The following GALNTL6 variants were observed in gnomAD, a reference collection of about 807,000 sequenced individuals.
The protein encoded by GALNTL6 is polypeptide N-acetylgalactosaminyltransferase like 6.
Under a neutral mutation model 73.7 loss-of-function variants are expected in GALNTL6, and 46 were observed. That is an observed-to-expected ratio of 0.62 (90% CI 0.49 to 0.80). The LOEUF (loss-of-function observed/expected upper bound fraction) is 0.80. GALNTL6 is among the 30% of genes least tolerant of loss of function. The probability of loss-of-function intolerance (pLI) is 0.00; values close to 1 mark genes in which losing one functional copy is unlikely to be tolerated. For missense variants in GALNTL6, 604 were observed against 755.0 expected (o/e 0.80, Z 2.34); for synonymous variants, 259 against 263.7 (o/e 0.98, Z 0.17).
chr4:171,994,751 T>G (rs1163858862), intron 2 of GALNTL6, among the ~76,000 whole-genome samples: 1 of 151,858 alleles, frequency 6.6e-6, no homozygotes, highest in African/African-American at 2.4e-5. Flanking sequence ...CAGGAATATC[T>G]AAGTCAGTTA....
At chr4:172,801,196 G>A (rs922446733) in intron 5 of GALNTL6, among the ~76,000 whole-genome samples, 3 of 152,140 alleles carry the variant, frequency 2.0e-5, no homozygotes, top group African/African-American at 7.2e-5. Context: ...AATCAAATTT[G>A]TAATTAATTA....
intron 5 of GALNTL6, among the ~76,000 whole-genome samples, chr4:172,478,896 C>G (rs978622916): frequency 5.9e-5 from 9 of 151,788 alleles, no homozygotes; most frequent in African/African-American, 2.2e-4. Flanking sequence ...AAATGGCCAA[C>G]AAACATGTGA....
intron 2 of GALNTL6, among the ~76,000 whole-genome samples, chr4:172,104,097 C>T (rs1579142594): frequency 1.3e-5 from 2 of 152,164 alleles, no homozygotes; most frequent in East Asian, 3.9e-4. Context: ...GCGCCCACCA[C>T]CACGCCTGGC....
intron 5 of GALNTL6, among the ~76,000 whole-genome samples, chr4:172,597,962 A>G (rs558902089): frequency 8.3e-4 from 125 of 151,150 alleles, no homozygotes; most frequent in African/African-American, 2.8e-3. Flanking sequence ...TCAGATTTCA[A>G]TTGTGAATAT....
At chr4:172,974,446 A>C (rs1458241310) in intron 10 of GALNTL6, among the ~76,000 whole-genome samples, 2 of 152,224 alleles carry the variant, frequency 1.3e-5, no homozygotes, top group African/African-American at 2.4e-5. Flanking sequence ...AGTAAAATTT[A>C]TGGACTAATT....
intron 5 of GALNTL6, among the ~76,000 whole-genome samples, chr4:172,623,577 A>G (rs1461667414): frequency 2.0e-5 from 3 of 152,146 alleles, no homozygotes; most frequent in Non-Finnish European, 4.4e-5. Flanking sequence ...GAACCAAGTT[A>G]CAGTTGTGTT....
chr4:172,587,138 GA>G lies in GALNTL6; in HGVS notation c.554-222217del, dbSNP rs34400329. Among the ~76,000 whole-genome samples, 11 of 152,038 alleles carry G rather than the reference GA, an allele frequency of 7.2e-5. No individual in the cohort carries two copies. The East Asian group carries it at 2.1e-3, about 29-fold the overall frequency. The stretch of plus-strand genomic sequence containing the variant: ...ATTGGGGTTCTAAGAAAATTGTGTA[GA>G]AAAAATGTACGATCCCCTGTTCACC... On this transcript the variant is annotated intron_variant, in intron 5 of 12. Coordinates refer to ENST00000506823, the MANE Select transcript of GALNTL6 (RefSeq NM_001034845.3).
At chr4:171,826,625 C>G (rs2110815175) in intron 2 of GALNTL6, among the ~76,000 whole-genome samples, 1 of 152,240 alleles carries the variant, frequency 6.6e-6, no homozygotes, top group Non-Finnish European at 1.5e-5. Context: ...ATATCATCAG[C>G]AATCTCTAGT....
At chr4:172,184,866 A>T (rs61214975) in intron 2 of GALNTL6, among the ~76,000 whole-genome samples, 3,165 of 152,296 alleles carry the variant, frequency 0.021, 106 homozygotes, top group African/African-American at 0.07. Context: ...AGGGAGCCGA[A>T]CTGCCCCTTT....
chr4:171,989,526 C>G (rs539131197), intron 2 of GALNTL6, among the ~76,000 whole-genome samples: 2 of 152,288 alleles, frequency 1.3e-5, no homozygotes, highest in East Asian at 1.9e-4. Flanking sequence ...TCTGGAGGAA[C>G]CCCTGGCAGC....
intron 9 of GALNTL6, among the ~76,000 whole-genome samples, chr4:172,941,653 C>G (rs568299175): frequency 6.6e-6 from 1 of 152,262 alleles, no homozygotes; most frequent in Non-Finnish European, 1.5e-5. Flanking sequence ...CCACTAGAGC[C>G]TCATAAAGGA....
intron 12 of GALNTL6, among the ~76,000 whole-genome samples, chr4:173,034,113 C>T (rs547825736): frequency 7.4e-4 from 112 of 152,310 alleles, no homozygotes; most frequent in African/African-American, 2.6e-3. Context: ...CTCCACATCT[C>T]ATTAATCAGA....
intron 5 of GALNTL6, among the ~76,000 whole-genome samples, chr4:172,428,087 C>T (rs1037739282): frequency 6.6e-6 from 1 of 152,032 alleles, no homozygotes; most frequent in Admixed American, 6.6e-5. Flanking sequence ...TGTTAAATTA[C>T]TTAAGCATAC....
chr4:172,013,278 C>A (rs576824924), intron 2 of GALNTL6, among the ~76,000 whole-genome samples: 1 of 151,984 alleles, frequency 6.6e-6, no homozygotes, highest in African/African-American at 2.4e-5. Context: ...ACTTACTCCT[C>A]CTATCTATGT....
chr4:172,506,498 C>T lies in GALNTL6; in HGVS notation c.553+157809C>T, dbSNP rs1448588344. 3.7e-5 allele frequency among the ~76,000 whole-genome samples: 2 copies of T among 54,360 alleles called. 1 individual carries two copies. The highest frequency in any genetic ancestry group is 9.2e-5 in the African/African-American group (2 of 21,716). The allele number at this position is 54,360 out of a possible 152,430, so 35.7% of individuals were successfully genotyped here. Reference sequence around the variant, plus strand: ...TGTTACTGCACTACCACATAGGAACCTGTTGGTCCTATAACAGAAGTGACA... The same window carrying T: ...TGTTACTGCACTACCACATAGGAACTTGTTGGTCCTATAACAGAAGTGACA... On this transcript the variant is annotated intron_variant, in intron 5 of 12. Coordinates refer to ENST00000506823, the MANE Select transcript of GALNTL6 (RefSeq NM_001034845.3).
intron 5 of GALNTL6, among the ~76,000 whole-genome samples, chr4:172,380,775 T>A (rs774508594): frequency 3.9e-5 from 6 of 152,204 alleles, no homozygotes; most frequent in Non-Finnish European, 8.8e-5. Context: ...TGTTTTGTTT[T>A]GTTTATTACA....
chr4:172,178,180 AC>A (rs140189557), intron 2 of GALNTL6, among the ~76,000 whole-genome samples: 2,166 of 152,214 alleles, frequency 0.014, 54 homozygotes, highest in African/African-American at 0.05. Context: ...GCAGGACCTA[AC>A]TTATAAAATT....
Position 172,151,949 on chromosome 4 carries a change from TCTATCTATCTATCTA to T in GALNTL6, c.139-77706_139-77692del, listed in dbSNP as rs1274522103. The stretch of plus-strand genomic sequence containing the variant: ...TATAATATAAATTTATATCTATCTA[TCTATCTATCTATCTA>T]TCTATCTATCTATCTATCTATCTAT... On this transcript the variant is annotated intron_variant, in intron 2 of 12. Coordinates refer to ENST00000506823, the MANE Select transcript of GALNTL6 (RefSeq NM_001034845.3). Among the ~76,000 whole-genome samples the T allele has an allele frequency of 8.6e-5, 3 of 35,014 alleles. No individual in the cohort carries two copies. In the East Asian group the frequency reaches 2.2e-3, roughly 25 times the overall value. 23.0% of individuals were successfully genotyped at this position (35,014 alleles called of 152,430 possible). A position where few individuals can be genotyped will look rare whatever the true frequency, so the allele number is the denominator to read the frequency against.
intron 2 of GALNTL6, among the ~76,000 whole-genome samples, chr4:172,086,490 G>A (rs2055639): frequency 0.096 from 14,633 of 151,704 alleles, 908 homozygotes; most frequent in Admixed American, 0.19. Context: ...TTATTTTATT[G>A]TTATAAACTT....
Sources: gnomAD v4.1 joint callset for allele counts (sites outside exome capture counted in the v4.1 genomes callset) on GRCh38, gnomAD v4.1.1 for gene constraint, MANE v1.5 for transcripts, NCBI Gene and HGNC (gene_info 2026-07-23, HGNC 2026-07-21) for gene names.